Variants in NBPF10 observed in about 807,000 individuals in gnomAD.
The protein encoded by NBPF10 is NBPF family member NBPF10.
A neutral mutation model predicts 77.9 loss-of-function variants in NBPF10; 63 were observed. The ratio of observed to expected loss-of-function variants is 0.81; its 90% CI spans 0.66 to 1.00. The LOEUF is 1.00. Ranked by LOEUF, NBPF10 falls within the 50% of genes least tolerant of loss-of-function variation. NBPF10 has a pLI of 0.00. For synonymous variants in NBPF10, 146 were observed against 264.5 expected (o/e 0.55, Z 4.35); for missense variants, 522 against 679.8 (o/e 0.77, Z 2.58).
rs1203187208 is a variant in NBPF10, at chr1:146,141,930, G to A, written c.279-112C>T. 73 of 900,016 alleles carry A rather than the reference G, an allele frequency of 8.1e-5. 1 individual carries two copies. Among genetic ancestry groups the A allele is most frequent in the Non-Finnish European group, 1.2e-4 (69 of 556,678 alleles). The allele number at this position is 900,016 out of a possible 1,614,324, so 55.8% of individuals were successfully genotyped here. A position where few individuals can be genotyped will look rare whatever the true frequency, so the allele number is the denominator to read the frequency against. ...TCGTCAAGGAGACCTCCAAGCAGAA[G>A]GTCAGCACATGTTGAAAGGAATGAC... On this transcript the variant is annotated intron_variant, in intron 2 of 89. Coordinates refer to ENST00000583866, the Ensembl canonical transcript of NBPF10.
chr1:146,125,972 C>A (rs1295679396), intron 14 of NBPF10, among the ~76,000 whole-genome samples: 1 of 151,534 alleles, frequency 6.6e-6, no homozygotes, highest in Admixed American at 6.6e-5. Context: ...GTGAATTTGT[C>A]ATATCTGCCC....
intron 15 of NBPF10, 131 bp downstream of exon 15, chr1:146,125,334 C>G (rs1658475170): frequency 7.5e-6 from 2 of 267,514 alleles, no homozygotes; most frequent in East Asian, 1.3e-4. Flanking sequence ...CAATGAAAAC[C>G]AACAGCAATG....
chr1:146,126,550 T>C (rs1432581323), intron 13 of NBPF10, 142 bp from the exon 14 acceptor site: 7 of 711,056 alleles, frequency 9.8e-6, no homozygotes, highest in Middle Eastern at 3.7e-4. Flanking sequence ...TTATTGCCTT[T>C]ATGTTGGGAT....
At chr1:146,138,853 C>G (rs1284385235) in intron 5 of NBPF10, among the ~76,000 whole-genome samples, 1 of 143,838 alleles carries the variant, frequency 7.0e-6, no homozygotes, top group Non-Finnish European at 1.6e-5. Flanking sequence ...GGCACAATCT[C>G]AGCTCACTGC....
chr1:146,140,713 C>T (rs1386820074), intron 3 of NBPF10, among the ~76,000 whole-genome samples, 157 bp from the exon 4 acceptor site: 5 of 113,492 alleles, frequency 4.4e-5, no homozygotes, highest in African/African-American at 1.4e-4. Context: ...GGCATGGTTT[C>T]CTGCTCCATC....
chr1:146,066,275 T>A (rs782338488), exon 90 of NBPF10: 1 of 579,436 alleles, frequency 1.7e-6, no homozygotes, highest in East Asian at 2.8e-5. Context: ...TGCCTATAGG[T>A]CCTGCCTGCA....
At chr1:146,142,163 G>A (rs1290595287) in intron 2 of NBPF10, among the ~76,000 whole-genome samples, 1 of 118,148 alleles carries the variant, frequency 8.5e-6, no homozygotes, top group Non-Finnish European at 1.9e-5. Flanking sequence ...AGTGCATCTT[G>A]CGGCCACTAG....
In NBPF10 at chr1:146,142,751, C is replaced by CTCTTT; in HGVS notation, c.176_177insAAAGA (p.Tyr60LysfsTer10). 3.7e-6 allele frequency: 5 copies of CTCTTT among 1,350,202 alleles called. 2 individuals are homozygous for CTCTTT. Among genetic ancestry groups the CTCTTT allele is most frequent in the Non-Finnish European group, 5.1e-6 (5 of 984,642 alleles). 83.6% of individuals were successfully genotyped at this position (1,350,202 alleles called of 1,614,324 possible). ...TTATGAGGTCTTTACACTCTTCATA[C>CTCTTT]TCTGAAAAAAGACAGACACGCCTGC... is the stretch of plus-strand genomic sequence containing the variant. On this transcript the variant is annotated frameshift_variant and splice_region_variant, in exon 2 of 90. Coordinates refer to ENST00000583866, the Ensembl canonical transcript of NBPF10. LOFTEE classifies it high-confidence loss of function.
chr1:146,067,182 G>A (rs781885479), exon 89 of NBPF10: 2 of 615,508 alleles, frequency 3.2e-6, no homozygotes, highest in Non-Finnish European at 6.0e-6. Flanking sequence ...AAAGTCACCT[G>A]GGGCATGGTG....
rs782300133 is a variant in NBPF10 at position 146,136,467 on chromosome 1, C to A, written c.989-12G>T. ...GCACTCTTCATATTCTGAGAAAAGA[C>A]AGACACACCTGCCTCAGTGGAAGGC... On this transcript the variant is annotated splice_polypyrimidine_tract_variant and intron_variant, in intron 6 of 89. Coordinates refer to ENST00000583866, the Ensembl canonical transcript of NBPF10. 2.9e-5 allele frequency: 46 copies of A among 1,612,098 alleles called. No homozygotes were observed. In the East Asian group the frequency reaches 5.6e-4, roughly 20 times the overall value.
At chr1:146,123,513 C>G (rs1296311333) in intron 17 of NBPF10, among the ~76,000 whole-genome samples, 8 of 105,632 alleles carry the variant, frequency 7.6e-5, no homozygotes, top group Admixed American at 6.8e-4. Context: ...CACACACACA[C>G]ACACACACAC....
Position 146,119,485 on chromosome 1 carries a change from G to T in NBPF10, c.2984-239C>A, listed in dbSNP as rs1571175293. On this transcript the variant is annotated intron_variant, in intron 22 of 89. Coordinates refer to ENST00000583866, the Ensembl canonical transcript of NBPF10. Reference sequence around the variant, plus strand: ...GTTATCCCAAAATAATTTATCCCAAGTTTGTGCAAACAGTTATGCTTTATT... The same window carrying T: ...GTTATCCCAAAATAATTTATCCCAATTTTGTGCAAACAGTTATGCTTTATT... Among the ~76,000 whole-genome samples the T allele has an allele frequency of 1.2e-4, 2 of 16,218 alleles. 1 individual carries two copies. Among genetic ancestry groups the T allele is most frequent in the East Asian group, 2.0e-3 (2 of 1,016 alleles). The allele number at this position is 16,218 out of a possible 152,430, so 10.6% of individuals were successfully genotyped here.
At chr1:146,067,875 T>C (rs1188784225) in intron 88 of NBPF10, 128 bp downstream of exon 88, 6 of 696,640 alleles carry the variant, frequency 8.6e-6, no homozygotes, top group East Asian at 2.8e-5. Context: ...TTACAACCTA[T>C]ATGCGCCCAT....
intron 88 of NBPF10, 68 bp from the exon 89 acceptor site, chr1:146,067,356 C>T (rs1655223690): frequency 2.4e-6 from 1 of 414,996 alleles, no homozygotes; most frequent in Non-Finnish European, 4.2e-6. Flanking sequence ...AATCCACTGT[C>T]TAATCCTCAC....
chr1:146,120,981 CT>C (rs1417452100), intron 20 of NBPF10, among the ~76,000 whole-genome samples: 2 of 84,354 alleles, frequency 2.4e-5, no homozygotes, highest in East Asian at 5.9e-4. Flanking sequence ...GTAAAATTCC[CT>C]ATTCTGGTAG....
At chr1:146,134,302 C>T (rs782601496) in intron 8 of NBPF10, 37 bp from the exon 9 acceptor site, 22 of 1,596,520 alleles carry the variant, frequency 1.4e-5, no homozygotes, top group Non-Finnish European at 1.7e-5. Flanking sequence ...GTATTTCCCA[C>T]TTCACAGTCT....
Position 146,066,675 on chromosome 1 carries a change from C to G in NBPF10, c.11145-114G>C, listed in dbSNP as rs1482902919. Reference sequence around the variant, plus strand: ...TGGTTAGAAAAGAAAAAGGATAGAACCATTAATGAGGTAAAAAAAAAATTT... The same window carrying G: ...TGGTTAGAAAAGAAAAAGGATAGAAGCATTAATGAGGTAAAAAAAAAATTT... On this transcript the variant is annotated intron_variant, in intron 89 of 89. Transcript: ENST00000583866. 7.5e-5 allele frequency: 40 copies of G among 532,012 alleles called. No homozygotes were observed. In the African/African-American group the frequency reaches 7.9e-4, roughly 10 times the overall value. The allele number at this position is 532,012 out of a possible 1,614,324, so 33.0% of individuals were successfully genotyped here.
intron 17 of NBPF10, 115 bp downstream of exon 17, chr1:146,123,812 T>C: frequency 6.1e-6 from 2 of 329,834 alleles, no homozygotes; most frequent in Non-Finnish European, 1.0e-5. Flanking sequence ...TTAGTAGGAA[T>C]AATTCAGGCT....
chr1:146,132,914 A>C (rs1459590136), intron 10 of NBPF10, among the ~76,000 whole-genome samples: 1 of 21,090 alleles, frequency 4.7e-5, no homozygotes, highest in African/African-American at 1.0e-4. Context: ...ACTCCATTGC[A>C]AAAAAAAAAA....
Sources: allele counts gnomAD v4.1 joint callset (sites outside exome capture counted in the v4.1 genomes callset), GRCh38; gene constraint gnomAD v4.1.1; transcripts MANE v1.5; gene names NCBI Gene and HGNC (gene_info 2026-07-23, HGNC 2026-07-21).